ST3GAL3: variants seen among roughly 807,000 people sequenced by gnomAD.
The protein encoded by ST3GAL3 is CMP-N-acetylneuraminate-beta-1,4-galactoside alpha-2,3-sialyltransferase.
A neutral mutation model predicts 50.1 loss-of-function variants in ST3GAL3; 21 were observed. The ratio of observed to expected loss-of-function variants is 0.42; its 90% CI spans 0.30 to 0.60. The LOEUF (loss-of-function observed/expected upper bound fraction) is 0.60, where lower values mean the gene tolerates loss of function less well. Among genes scored for constraint, ST3GAL3 ranks in the 20% least tolerant of loss-of-function variants. The pLI, the probability that ST3GAL3 is intolerant of heterozygous loss-of-function variation, is 0.19. For missense variants in ST3GAL3, 353 were observed against 489.4 expected, an observed-to-expected ratio of 0.72 and a Z score of 2.63; for synonymous variants, 183 against 190.0, an observed-to-expected ratio of 0.96 and a Z score of 0.30.
chr1:43,751,647 C>T (rs1402273822), intron 2 of ST3GAL3, among the ~76,000 whole-genome samples: 1 of 152,172 alleles, frequency 6.6e-6, no homozygotes, highest in Non-Finnish European at 1.5e-5. Flanking sequence ...GTCAATCCCA[C>T]ACTTTATTTG....
At chr1:43,805,845 C>T (rs148387202) in intron 3 of ST3GAL3, among the ~76,000 whole-genome samples, 2,052 of 152,288 alleles carry the variant, frequency 0.013, 19 homozygotes, top group Non-Finnish European at 0.018. Flanking sequence ...AGGCAGTTCT[C>T]CTGCCTCAGC....
At chr1:43,882,233 G>A (rs150946848) in intron 5 of ST3GAL3, among the ~76,000 whole-genome samples, 39 of 152,146 alleles carry the variant, frequency 2.6e-4, no homozygotes, top group African/African-American at 9.2e-4. Flanking sequence ...ATAAGGAGAC[G>A]AGAACCCCAG....
At chr1:43,819,071 T>C (rs1476542792) in intron 4 of ST3GAL3, 1 of 152,232 alleles carries the variant, frequency 6.6e-6, no homozygotes, top group East Asian at 1.9e-4. Flanking sequence ...TAAAACTTTA[T>C]TTATGGACCC....
intron 3 of ST3GAL3, among the ~76,000 whole-genome samples, chr1:43,809,273 G>GA (rs955543609): frequency 1.3e-5 from 2 of 151,532 alleles, no homozygotes; most frequent in South Asian, 2.1e-4. Context: ...CGGAAGATAT[G>GA]AAAAAAAACT....
chr1:43,778,875 C>CG (rs1698349558), intron 2 of ST3GAL3, among the ~76,000 whole-genome samples: 2 of 152,042 alleles, frequency 1.3e-5, no homozygotes, highest in Non-Finnish European at 1.5e-5. Flanking sequence ...TCTCGACCTC[C>CG]TAACCTCGTG....
intron 6 of ST3GAL3, 85 bp from the exon 7 acceptor site, chr1:43,898,150 T>A: frequency 6.9e-7 from 1 of 1,445,140 alleles, no homozygotes; most frequent in Non-Finnish European, 9.7e-7. Context: ...CCCTAGGGAC[T>A]TGTGTCTTCC....
At chr1:43,929,824 T>C (rs2084747080) in intron 11 of ST3GAL3, among the ~76,000 whole-genome samples, 1 of 152,050 alleles carries the variant, frequency 6.6e-6, no homozygotes, top group African/African-American at 2.4e-5. Context: ...TGGCTTGAAG[T>C]CTGTGGGAAC....
chr1:43,855,166 T>C (rs2068092655), intron 5 of ST3GAL3, among the ~76,000 whole-genome samples: 1 of 152,182 alleles, frequency 6.6e-6, no homozygotes, highest in Non-Finnish European at 1.5e-5. Flanking sequence ...CAGACACAGA[T>C]AACCCACGCA....
At chr1:43,752,248 C>T (rs1686433343) in intron 2 of ST3GAL3, among the ~76,000 whole-genome samples, 1 of 152,182 alleles carries the variant, frequency 6.6e-6, no homozygotes, top group Non-Finnish European at 1.5e-5. Context: ...GCTAATGAGG[C>T]TCAACAAGTT....
chr1:43,728,708 G>A (rs973717103), intron 1 of ST3GAL3, among the ~76,000 whole-genome samples: 4 of 152,120 alleles, frequency 2.6e-5, no homozygotes, highest in Non-Finnish European at 5.9e-5. Context: ...GTATGATCAC[G>A]CCACTGCACT....
chr1:43,759,236 G>A (rs1689368599), intron 2 of ST3GAL3, among the ~76,000 whole-genome samples: 1 of 151,894 alleles, frequency 6.6e-6, no homozygotes, highest in Non-Finnish European at 1.5e-5. Context: ...AGGAGGTCAG[G>A]AGATCGAGAC....
At chr1:43,746,480 T>G (rs998674810) in intron 2 of ST3GAL3, among the ~76,000 whole-genome samples, 1 of 131,470 alleles carries the variant, frequency 7.6e-6, no homozygotes, top group East Asian at 2.4e-4. Flanking sequence ...TTTTTTTTTT[T>G]GAGATGGAGT....
chr1:43,750,959 A>ATT (rs1176082703), intron 2 of ST3GAL3, among the ~76,000 whole-genome samples: 1 of 152,136 alleles, frequency 6.6e-6, no homozygotes, highest in African/African-American at 2.4e-5. Context: ...GTTAAGATGA[A>ATT]CAACAAGCCA....
chr1:43,759,486 C>T (rs899503170), intron 2 of ST3GAL3, among the ~76,000 whole-genome samples: 20 of 152,052 alleles, frequency 1.3e-4, no homozygotes, highest in Non-Finnish European at 2.5e-4. Context: ...GGGAAGAGTC[C>T]AGCACTTAAT....
At chr1:43,891,033 A>G (rs961163063) in intron 5 of ST3GAL3, among the ~76,000 whole-genome samples, 1 of 152,224 alleles carries the variant, frequency 6.6e-6, no homozygotes, top group African/African-American at 2.4e-5. Flanking sequence ...CCATAACAAC[A>G]TGAGCTTCCC....
intron 5 of ST3GAL3, among the ~76,000 whole-genome samples, chr1:43,848,499 T>G (rs1191506582): frequency 3.0e-4 from 45 of 151,978 alleles, no homozygotes. Context: ...GAGACGGGGT[T>G]TCACCATGTT....
At chr1:43,855,153 T>C (rs1429794253) in intron 5 of ST3GAL3, among the ~76,000 whole-genome samples, 1 of 152,116 alleles carries the variant, frequency 6.6e-6, no homozygotes, top group East Asian at 1.9e-4. Context: ...TACATTCCAC[T>C]GGCAGACACA....
chr1:43,891,089 G>A (rs1342006221), intron 5 of ST3GAL3, among the ~76,000 whole-genome samples: 1 of 152,156 alleles, frequency 6.6e-6, no homozygotes, highest in African/African-American at 2.4e-5. Flanking sequence ...CAATTAAAAG[G>A]AACCAGGGTT....
intron 9 of ST3GAL3, among the ~76,000 whole-genome samples, chr1:43,905,566 GT>G (rs2079267750): frequency 9.3e-5 from 5 of 53,738 alleles, no homozygotes; most frequent in African/African-American, 4.2e-4. Context: ...TCCTGCCACT[GT>G]TTCTCCCCCT....
Sources: allele counts gnomAD v4.1 joint callset (sites outside exome capture counted in the v4.1 genomes callset), GRCh38; gene constraint gnomAD v4.1.1; transcripts MANE v1.5; gene names NCBI Gene and HGNC (gene_info 2026-07-23, HGNC 2026-07-21).